The following MN1 variants were observed in gnomAD, a reference collection of about 807,000 sequenced individuals.
MN1 encodes the protein MN1 proto-oncogene, transcriptional regulator, also known as transcriptional activator MN1.
A neutral mutation model predicts 86.9 loss-of-function variants in MN1; 19 were observed. The observed-to-expected ratio is 0.22, with a 90% CI of 0.15 to 0.32. The LOEUF is 0.32. Among genes scored for constraint, MN1 ranks in the 10% least tolerant of loss-of-function variants. MN1 has a pLI of 1.00. For synonymous variants in MN1, 928 were observed against 849.6 expected, an observed-to-expected ratio of 1.09 and a Z score of -1.60; for missense variants, 1,841 against 1,862.0, an observed-to-expected ratio of 0.99 and a Z score of 0.21.
chr22:27,777,419 G>T (rs1260784272), intron 1 of MN1, among the ~76,000 whole-genome samples: 3 of 151,916 alleles, frequency 2.0e-5, no homozygotes, highest in Non-Finnish European at 2.9e-5. Flanking sequence ...TGTAGTCCTA[G>T]ATACCCTGGA....
In MN1 at chr22:27,798,655, G is replaced by T; in HGVS notation, c.1889C>A (p.Ala630Glu). 1 of 1,553,152 alleles carries T rather than the reference G, an allele frequency of 6.4e-7. No individual in the cohort carries two copies. Among genetic ancestry groups the T allele is most frequent in the Non-Finnish European group, 8.6e-7 (1 of 1,158,070 alleles). Residue 630 changes from alanine (A) to glutamate (E), a missense_variant, in exon 1 of 2, where the codon GCG (alanine) becomes GAG (glutamate). Transcript: ENST00000302326. ...QQAPHLAQESAWFSGPHPPPG... is the reference protein window; with the variant it reads ...QQAPHLAQESEWFSGPHPPPG... ...CGGCGGATGCGGACCTGAGAACCACGCGCTCTCTTGCGCCAAGTGCGGCGC... is the reference window on the plus strand; with the variant it reads ...CGGCGGATGCGGACCTGAGAACCACTCGCTCTCTTGCGCCAAGTGCGGCGC...
chr22:27,795,340 C>T lies in MN1; in HGVS notation c.3781+1423G>A, dbSNP rs896956295. ...TTGAAAGCCCCAAGTTCTGAACCACCCAACTCCCAGCCCACTCTCGCTTCC... is the reference window on the plus strand; with the variant it reads ...TTGAAAGCCCCAAGTTCTGAACCACTCAACTCCCAGCCCACTCTCGCTTCC... On this transcript the variant is annotated intron_variant, in intron 1 of 1. Coordinates refer to ENST00000302326, the MANE Select transcript of MN1 (RefSeq NM_002430.3). Among the ~76,000 whole-genome samples the T allele has an allele frequency of 2.6e-5, 4 of 152,092 alleles. No homozygotes were observed. The East Asian group carries it at 7.7e-4, about 29-fold the overall frequency.
At chr22:27,769,437 A>C (rs1330531360) in intron 1 of MN1, among the ~76,000 whole-genome samples, 1 of 151,936 alleles carries the variant, frequency 6.6e-6, no homozygotes, top group Non-Finnish European at 1.5e-5. Context: ...TGTTTCCCCC[A>C]TTAAAACTCT....
intron 1 of MN1, among the ~76,000 whole-genome samples, chr22:27,762,932 CAA>C (rs946738428): frequency 6.6e-6 from 1 of 151,916 alleles, no homozygotes; most frequent in Non-Finnish European, 1.5e-5. Flanking sequence ...GACGCTGTCT[CAA>C]AAAATAAAAA....
chr22:27,794,891 A>G (rs1486742787), intron 1 of MN1, among the ~76,000 whole-genome samples: 1 of 143,544 alleles, frequency 7.0e-6, no homozygotes, highest in Non-Finnish European at 1.5e-5. Flanking sequence ...GGAGGGGAGG[A>G]TGAGAAGGGG....
At chr22:27,777,768 A>C in intron 1 of MN1, among the ~76,000 whole-genome samples, 1 of 151,518 alleles carries the variant, frequency 6.6e-6, no homozygotes, top group East Asian at 2.0e-4. Context: ...GCTAGCTACC[A>C]GGGAGGCTGA....
chr22:27,783,930 A>T (rs371803829), intron 1 of MN1, among the ~76,000 whole-genome samples: 27 of 152,312 alleles, frequency 1.8e-4, no homozygotes, highest in Middle Eastern at 3.4e-3. Flanking sequence ...GGCCAGTGCA[A>T]CAAGCTCTCA....
chr22:27,749,075 T>TTGTCTG lies in MN1; in HGVS notation c.*1834_*1839dup, dbSNP rs1932732297. 1 of 231,728 alleles carries TTGTCTG rather than the reference T, an allele frequency of 4.3e-6. No homozygotes were observed. The highest frequency in any genetic ancestry group is 8.5e-6 in the Non-Finnish European group (1 of 117,146). The allele number at this position is 231,728 out of a possible 1,614,324, so 14.4% of individuals were successfully genotyped here. A position where few individuals can be genotyped will look rare whatever the true frequency, so the allele number is the denominator to read the frequency against. On this transcript the variant is annotated 3_prime_UTR_variant, in exon 2 of 2. Coordinates refer to ENST00000302326, the MANE Select transcript of MN1 (RefSeq NM_002430.3). ...CGCTGATCAATTCATGCCACCTGCT[T>TTGTCTG]TGTCTGCCCTCTGAAGGCGGGGTTT...
intron 1 of MN1, among the ~76,000 whole-genome samples, chr22:27,764,035 G>A (rs994645563): frequency 2.0e-5 from 3 of 152,164 alleles, no homozygotes; most frequent in Non-Finnish European, 2.9e-5. Context: ...ATTTAGGGAT[G>A]GGTGTGAAAC....
chr22:27,765,234 T>C (rs752598299), intron 1 of MN1, among the ~76,000 whole-genome samples: 15 of 152,248 alleles, frequency 9.9e-5, no homozygotes, highest in Non-Finnish European at 1.6e-4. Flanking sequence ...AGGCACCCAG[T>C]AGGTGCTCAG....
intron 1 of MN1, among the ~76,000 whole-genome samples, chr22:27,795,053 G>T (rs986558196): frequency 7.2e-6 from 1 of 138,192 alleles, no homozygotes; most frequent in Admixed American, 7.5e-5. Flanking sequence ...TGTCCAACTC[G>T]ATTTTAAAAA....
Position 27,797,082 on chromosome 22 carries a change from C to A in MN1, c.3462G>T (p.Glu1154Asp). ...APPPDEIHPLEILQAQIQLQR... is the reference protein window; with the variant it reads ...APPPDEIHPLDILQAQIQLQR... The stretch of plus-strand genomic sequence containing the variant: ...GTAGCTGGATCTGCGCCTGAAGGAT[C>A]TCCAGGGGGTGGATCTCGTCGGGTG... Residue 1154 changes from glutamate (E) to aspartate (D), a missense_variant, in exon 1 of 2, where the codon GAG (glutamate) becomes GAT (aspartate). Transcript: ENST00000302326. 6.2e-7 allele frequency: 1 copy of A among 1,611,066 alleles called. No individual in the cohort carries two copies. The highest frequency in any genetic ancestry group is 1.1e-5 in the South Asian group (1 of 90,740).
At position 27,765,505 on chromosome 22, in the gene MN1, G is replaced by A. The variant is rs190277786; in HGVS notation, c.3782-14409C>T. Among the ~76,000 whole-genome samples, 13 of 152,364 alleles carry A rather than the reference G, an allele frequency of 8.5e-5. No individual in the cohort carries two copies. In the East Asian group the frequency reaches 2.5e-3, roughly 29 times the overall value. On this transcript the variant is annotated intron_variant, in intron 1 of 1. Transcript: ENST00000302326. ...AGTCAGCCACGTCAGGCAGGAGGGA[G>A]ACTCGAGCGGGGGCTCCCAGCACTT...
intron 1 of MN1, among the ~76,000 whole-genome samples, chr22:27,766,295 G>C (rs926115942): frequency 4.7e-4 from 71 of 152,194 alleles, no homozygotes; most frequent in Non-Finnish European, 2.9e-5. Flanking sequence ...TTGGGGGTTG[G>C]AGAGAGGATT....
At chr22:27,786,837 C>CGT (rs1248057799) in intron 1 of MN1, among the ~76,000 whole-genome samples, 1 of 142,866 alleles carries the variant, frequency 7.0e-6, no homozygotes, top group Non-Finnish European at 1.5e-5. Flanking sequence ...CATTAATGCC[C>CGT]GTGCGCACAC....
Position 27,797,395 on chromosome 22 carries a change from C to T in MN1, c.3149G>A (p.Ser1050Asn), listed in dbSNP as rs1472065809. 7 of 1,611,910 alleles carry T rather than the reference C, an allele frequency of 4.3e-6. No homozygotes were observed. The South Asian group carries it at 4.4e-5, about 10-fold the overall frequency. The change falls in exon 1 of 2, where the codon AGC becomes AAC. Residue 1050 changes from serine to asparagine, a missense_variant. Physicochemically the swap from Ser to Asn is conservative, Grantham distance 46. Coordinates refer to ENST00000302326, the MANE Select transcript of MN1 (RefSeq NM_002430.3). Reference sequence around the variant, plus strand: ...CTCGTCCTCATTGGCGTAGCTCGTGCTCACCTCGTCCGAGGCGAACTCACC... The same window carrying T: ...CTCGTCCTCATTGGCGTAGCTCGTGTTCACCTCGTCCGAGGCGAACTCACC... ...NVGEFASDEVSTSYANEDEVS... is the reference protein window; with the variant it reads ...NVGEFASDEVNTSYANEDEVS...
rs1330045262 is a variant in MN1, at chr22:27,797,818, G to A, written c.2726C>T (p.Pro909Leu). ...SGSKASGPPN[P>L]PAQGDGTSLS... ...GCTGGTGCCGTCCCCCTGGGCTGGA[G>A]GGTTGGGCGGCCCCGAGGCTTTGGA... is the stretch of plus-strand genomic sequence containing the variant. The change falls in exon 1 of 2, where the codon CCT (proline) becomes CTT (leucine). Residue 909 changes from proline (P) to leucine (L), a missense_variant. Physicochemically the swap from Pro to Leu is moderately conservative, Grantham distance 98 (BLOSUM62 -3). Coordinates refer to ENST00000302326, the MANE Select transcript of MN1 (RefSeq NM_002430.3). 1.3e-6 allele frequency: 2 copies of A among 1,584,850 alleles called. No individual in the cohort carries two copies. Among genetic ancestry groups the A allele is most frequent in the Non-Finnish European group, 1.7e-6 (2 of 1,167,674 alleles).
At chr22:27,775,286 A>C (rs1932962784) in intron 1 of MN1, among the ~76,000 whole-genome samples, 1 of 152,192 alleles carries the variant, frequency 6.6e-6, no homozygotes, top group South Asian at 2.1e-4. Context: ...AGGAATCCAA[A>C]CACTGTATGT....
Position 27,799,609 on chromosome 22 carries a change from A to G in MN1, c.935T>C (p.Val312Ala). ...QPQQQQQQHG[V>A]FFERFSGARK... ...GGCCCCACTGAACCTCTCAAAGAAC[A>G]CACCATGCTGCTGCTGCTGCTGCTG... is the stretch of plus-strand genomic sequence containing the variant. The change falls in exon 1 of 2, where the codon GTG becomes GCG. Residue 312 changes from valine to alanine, a missense_variant. Transcript: ENST00000302326. 1 of 1,540,642 alleles carries G rather than the reference A, an allele frequency of 6.5e-7. No individual in the cohort carries two copies. The highest frequency in any genetic ancestry group is 1.2e-5 in the South Asian group (1 of 82,212).
Sources: gnomAD v4.1 joint callset for allele counts (sites outside exome capture counted in the v4.1 genomes callset) on GRCh38, gnomAD v4.1.1 for gene constraint, MANE v1.5 for transcripts, NCBI Gene and HGNC (gene_info 2026-07-23, HGNC 2026-07-21) for gene names.